Variants in TULP4 observed in about 807,000 individuals in gnomAD.
TULP4 encodes TUB like protein 4, also known as tubby-related protein 4.
Under a neutral mutation model 129.0 loss-of-function variants are expected in TULP4, and 16 were observed. The ratio of observed to expected loss-of-function variants is 0.12; its 90% CI spans 0.08 to 0.19. The LOEUF is 0.19. Ranked by LOEUF, TULP4 falls within the 10% of genes least tolerant of loss-of-function variation. The pLI is 1.00. For synonymous variants in TULP4, 998 were observed against 854.0 expected (o/e 1.17, Z -2.94); for missense variants, 1,842 against 2,059.1 (o/e 0.89, Z 2.04).
At chr6:158,393,510 A>G (rs1406702082) in intron 1 of TULP4, among the ~76,000 whole-genome samples, 1 of 152,168 alleles carries the variant, frequency 6.6e-6, no homozygotes, top group Non-Finnish European at 1.5e-5. Flanking sequence ...CTGGACATCC[A>G]GGCATTTCCA....
At chr6:158,435,704 A>ATCACCG (rs1377662883) in intron 3 of TULP4, among the ~76,000 whole-genome samples, 1 of 151,928 alleles carries the variant, frequency 6.6e-6, no homozygotes, top group African/African-American at 2.4e-5. Flanking sequence ...CTGCGACACC[A>ATCACCG]TCACCGTCAC....
chr6:158,298,519 G>A (rs796468111), intron 1 of TULP4, among the ~76,000 whole-genome samples: 6 of 151,634 alleles, frequency 4.0e-5, no homozygotes, highest in Middle Eastern at 6.8e-3. Context: ...AGGCTTGTTC[G>A]TTCTCCCAGT....
Position 158,479,884 on chromosome 6 carries a change from G to A in TULP4, c.1160G>A (p.Ser387Asn). 2 of 1,613,478 alleles carry A rather than the reference G, an allele frequency of 1.2e-6. No individual in the cohort carries two copies. The highest frequency in any genetic ancestry group is 1.7e-6 in the Non-Finnish European group (2 of 1,180,034). ...CTGCTGTGCCAGCAGGCCATCGCCA[G>A]CACCTTGCGTGAGGACAAGGACGTC... is the stretch of plus-strand genomic sequence containing the variant. ...LQLLCQQAIA[S>N]TLREDKDVSK... Residue 387 changes from serine (S) to asparagine (N), a missense_variant, in exon 7 of 14, where the codon AGC (serine) becomes AAC (asparagine). Coordinates refer to ENST00000367097, the MANE Select transcript of TULP4 (RefSeq NM_020245.5).
At chr6:158,411,142 AAAAGT>A (rs1472301463) in intron 1 of TULP4, among the ~76,000 whole-genome samples, 1 of 152,118 alleles carries the variant, frequency 6.6e-6, no homozygotes, top group Non-Finnish European at 1.5e-5. Flanking sequence ...AAAAAAAAAA[AAAAGT>A]AAACTACTTG....
chr6:158,259,441 A>T (rs1433973397), intron 1 of TULP4, among the ~76,000 whole-genome samples: 1 of 152,178 alleles, frequency 6.6e-6, no homozygotes, highest in Non-Finnish European at 1.5e-5. Flanking sequence ...TGATTTTGAG[A>T]ACTCTATGGA....
chr6:158,487,844 T>C (rs1780107558), intron 8 of TULP4, among the ~76,000 whole-genome samples: 1 of 152,268 alleles, frequency 6.6e-6, no homozygotes, highest in South Asian at 2.1e-4. Context: ...AAATCGTCAT[T>C]TATTCTTTCA....
intron 3 of TULP4, among the ~76,000 whole-genome samples, chr6:158,434,921 G>C (rs827955): frequency 6.6e-6 from 1 of 152,208 alleles, no homozygotes; most frequent in Non-Finnish European, 1.5e-5. Flanking sequence ...CCACATACAT[G>C]AAATGGCATG....
rs202231886 is a variant in TULP4 at position 158,314,222 on chromosome 6, G to A, written c.206G>A (p.Ser69Asn). The A allele has an allele frequency of 8.1e-6, 13 of 1,614,164 alleles. No individual in the cohort carries two copies. The highest frequency in any genetic ancestry group is 1.1e-5 in the Non-Finnish European group (13 of 1,180,028). ...TCTAGTCACTGTCGCAGGGACAGGA[G>A]TACTCCACAGAGGATAAATTTCAAC... ...FTSSHCRRDR[S>N]TPQRINFNLR... The change falls in exon 1 of 14, where the codon AGT becomes AAT. Residue 69 changes from serine to asparagine, a missense_variant. This residue lies in a region of TULP4 where 151 missense variants were observed against 268.7 expected (regional missense o/e 0.56). Coordinates refer to ENST00000367097, the MANE Select transcript of TULP4 (RefSeq NM_020245.5).
At position 158,503,411 on chromosome 6, in the gene TULP4, T is replaced by G. The variant is rs770056683; in HGVS notation, c.3748T>G (p.Cys1250Gly). 1 of 1,613,722 alleles carries G rather than the reference T, an allele frequency of 6.2e-7. No homozygotes were observed. Among genetic ancestry groups the G allele is most frequent in the Non-Finnish European group, 8.5e-7 (1 of 1,180,012 alleles). The change falls in exon 13 of 14, where the codon TGC becomes GGC. Residue 1250 changes from cysteine to glycine, a missense_variant. By Grantham distance (159) the Cys-to-Gly change is radical. Around this residue, in one of 5 missense-constraint regions of TULP4, gnomAD observed 1,089 missense variants for 987.1 expected, o/e 1.10. Coordinates refer to ENST00000367097, the MANE Select transcript of TULP4 (RefSeq NM_020245.5). The surrounding 1 kb of genome is among the most constrained non-coding windows in gnomAD (Gnocchi z 4.3). ...LPPMYPGSST[C>G]SSLQLPPVAL... Reference sequence around the variant, plus strand: ...CCCCATGTACCCAGGAAGCAGCACGTGCTCTAGTTTACAGCTGCCACCTGT... The same window carrying G: ...CCCCATGTACCCAGGAAGCAGCACGGGCTCTAGTTTACAGCTGCCACCTGT...
chr6:158,484,993 G>A (rs1780033282), intron 8 of TULP4, among the ~76,000 whole-genome samples: 1 of 152,226 alleles, frequency 6.6e-6, no homozygotes, highest in South Asian at 2.1e-4. Flanking sequence ...ATGGATATAG[G>A]CTAGAAGAGT....
intron 1 of TULP4, among the ~76,000 whole-genome samples, chr6:158,289,849 G>T (rs912255439): frequency 4.6e-5 from 7 of 151,890 alleles, no homozygotes; most frequent in Non-Finnish European, 8.8e-5. Context: ...CTAAAGTGTT[G>T]GGATTGCACA....
intron 1 of TULP4, among the ~76,000 whole-genome samples, chr6:158,234,832 A>G (rs1423371648): frequency 6.6e-6 from 1 of 152,232 alleles, no homozygotes; most frequent in African/African-American, 2.4e-5. Flanking sequence ...GTAACATACT[A>G]AACATACTAA....
chr6:158,268,836 A>G (rs1210965123), intron 1 of TULP4, among the ~76,000 whole-genome samples: 1 of 151,824 alleles, frequency 6.6e-6, no homozygotes, highest in East Asian at 1.9e-4. Flanking sequence ...TCCTGTTGTA[A>G]TATTTTGCTT....
intron 8 of TULP4, among the ~76,000 whole-genome samples, chr6:158,482,833 C>T (rs190496818): frequency 5.2e-4 from 79 of 152,306 alleles, no homozygotes; most frequent in African/African-American, 1.8e-3. Flanking sequence ...CTGAAGAAGA[C>T]GGACCGGAGG....
intron 1 of TULP4, among the ~76,000 whole-genome samples, chr6:158,315,847 G>T (rs551599199): frequency 8.5e-4 from 129 of 152,278 alleles, no homozygotes; most frequent in African/African-American, 3.0e-3. Flanking sequence ...ATCTTACAAG[G>T]GTAGGAATCC....
intron 6 of TULP4, among the ~76,000 whole-genome samples, chr6:158,466,069 T>C (rs1437802212): frequency 6.6e-6 from 1 of 152,194 alleles, no homozygotes; most frequent in African/African-American, 2.4e-5. Context: ...GAATTTGTTA[T>C]CTTATTGCCA....
At chr6:158,499,139 G>A (rs1341269494) in intron 12 of TULP4, among the ~76,000 whole-genome samples, 1 of 152,192 alleles carries the variant, frequency 6.6e-6, no homozygotes, top group Non-Finnish European at 1.5e-5. Context: ...TAAGTTTGCA[G>A]GACTGATTGG....
chr6:158,311,631 A>T (rs1021239295), upstream of TULP4, among the ~76,000 whole-genome samples: 1 of 152,338 alleles, frequency 6.6e-6, no homozygotes, highest in East Asian at 1.9e-4. Context: ...TTAATCGTGA[A>T]AAAATCAATC....
intron 3 of TULP4, among the ~76,000 whole-genome samples, chr6:158,442,150 A>C (rs565801500): frequency 1.6e-4 from 25 of 152,116 alleles, no homozygotes; most frequent in Non-Finnish European, 2.6e-4. Flanking sequence ...ACCGGTCACA[A>C]GTGCTGTTGG....
Sources: allele counts gnomAD v4.1 joint callset (sites outside exome capture counted in the v4.1 genomes callset), GRCh38; gene constraint gnomAD v4.1.1; regional missense constraint gnomAD v4.1.1; non-coding constraint Gnocchi (gnomAD v3.1); transcripts MANE v1.5; gene names NCBI Gene and HGNC (gene_info 2026-07-23, HGNC 2026-07-21).